The following TEX14 variants were observed in gnomAD, a reference collection of about 807,000 sequenced individuals.
TEX14 encodes the protein inactive serine/threonine-protein kinase TEX14.
A neutral mutation model predicts 178.6 loss-of-function variants in TEX14; 168 were observed. The ratio of observed to expected loss-of-function variants is 0.94; its 90% confidence interval spans 0.83 to 1.07. The LOEUF (loss-of-function observed/expected upper bound fraction) is 1.07, where lower values mean the gene tolerates loss of function less well. TEX14 is among the 50% of genes least tolerant of loss of function. TEX14 has a pLI of 0.00. For missense variants in TEX14, 1,730 were observed against 1,753.6 expected, an observed-to-expected ratio of 0.99 and a Z score of 0.24; for synonymous variants, 626 against 634.1, an observed-to-expected ratio of 0.99 and a Z score of 0.19.
Position 58,651,984 on chromosome 17 carries a change from A to G in TEX14, c.18T>C (p.Arg6=), listed in dbSNP as rs774127164. 3 of 1,595,484 alleles carry G rather than the reference A, an allele frequency of 1.9e-6. No homozygotes were observed. The highest frequency in any genetic ancestry group is 2.6e-6 in the Non-Finnish European group (3 of 1,173,642). The part of the protein sequence containing the change: MSRAV[R]LPVPCPVQLG... ...GTTGAACAGGACAGGGGACTGGAAG[A>G]CGAACAGCCCGAGACATCCTGTTCC... Residue 6 remains arginine (R), a synonymous_variant, in exon 2 of 32, where the codon CGT becomes CGC. Coordinates refer to ENST00000349033, the MANE Select transcript of TEX14 (RefSeq NM_031272.5).
rs139406356 is a variant in TEX14 at position 58,611,268 on chromosome 17, T to G, written c.1077A>C (p.Arg359Ser). The G allele has an allele frequency of 1.2e-6, 2 of 1,613,094 alleles. No individual in the cohort carries two copies. The highest frequency in any genetic ancestry group is 1.3e-5 in the African/African-American group (1 of 74,824). ...HLLLQISDAL[R>S]YLHFQGFIHR... ...GGATAAACCCCTGGAAATGCAGGTA[T>G]CTCAGGGCATCAGATATCTGGAGCA... Residue 359 changes from arginine to serine, a missense_variant, in exon 10 of 32, where the codon AGA becomes AGC. Transcript: ENST00000349033.
chr17:58,631,245 T>G (rs544210329), intron 2 of TEX14: 32 of 509,338 alleles, frequency 6.3e-5, no homozygotes, highest in Non-Finnish European at 7.6e-5. Flanking sequence ...GTAGATCACT[T>G]GAGGCCAAGA....
Position 58,587,934 on chromosome 17 carries a change from TC to T in TEX14, c.2663del (p.Gly888AspfsTer15), listed in dbSNP as rs1411970263. 3 of 1,611,494 alleles carry T rather than the reference TC, an allele frequency of 1.9e-6. No homozygotes were observed. Among genetic ancestry groups the T allele is most frequent in the Non-Finnish European group, 2.5e-6 (3 of 1,179,536 alleles). On this transcript the variant is annotated frameshift_variant, in exon 16 of 32. Coordinates refer to ENST00000349033, the MANE Select transcript of TEX14 (RefSeq NM_031272.5). LOFTEE classifies it high-confidence loss of function. ...AGTGACAGCTGGGTGATGCAGAAGGTCCCTGCCGGTGGCTTGACAGAGTGAA... is the reference window on the plus strand; with the variant it reads ...AGTGACAGCTGGGTGATGCAGAAGGTCCTGCCGGTGGCTTGACAGAGTGAA... ...ALFTLSSHRQ[G>X]PSASPSCHWD...
Position 58,572,065 on chromosome 17 carries a change from A to G in TEX14, c.3573T>C (p.Val1191=), listed in dbSNP as rs773702832. Residue 1191 remains valine (V), a synonymous_variant, in exon 24 of 32, where the codon GTT becomes GTC. Coordinates refer to ENST00000349033, the MANE Select transcript of TEX14 (RefSeq NM_031272.5). ...KDCLESITFQ[V]KTEFASCWNS... ...TCCAGCAAGAGGCAAACTCTGTCTT[A>G]ACCTGAAATGTGATACTTTCAAGGC... is the stretch of plus-strand genomic sequence containing the variant. The G allele has an allele frequency of 6.2e-7, 1 of 1,614,206 alleles. No individual in the cohort carries two copies. The highest frequency in any genetic ancestry group is 1.1e-5 in the South Asian group (1 of 91,084).
chr17:58,672,983 C>T (rs557586298), intron 1 of TEX14, among the ~76,000 whole-genome samples: 3 of 151,856 alleles, frequency 2.0e-5, no homozygotes, highest in Admixed American at 6.6e-5. Context: ...CTGCTAGCCT[C>T]GAACTCCCAA....
At chr17:58,631,677 CCAACAGCAAACAGCAGTTAGAATAACG>C (rs921139566) in intron 2 of TEX14, 21 of 151,310 alleles carry the variant, frequency 1.4e-4, no homozygotes, top group South Asian at 6.3e-4. Context: ...AGAACGGTCA[CCAACAGCAAACAGCAGTTAGAATAACG>C]CAACACCAAA....
intron 10 of TEX14, among the ~76,000 whole-genome samples, chr17:58,607,332 C>A (rs373650617): frequency 4.3e-4 from 65 of 152,302 alleles, no homozygotes; most frequent in Middle Eastern, 6.8e-3. Context: ...TTACCTCCTA[C>A]CCCCTCACTT....
In TEX14 at chr17:58,565,788, A is replaced by T; in HGVS notation, c.3923T>A (p.Leu1308Ter). The change falls in exon 27 of 32, where the codon TTG (leucine) becomes TAG (stop). Residue 1308 changes from leucine to a stop codon, truncating the protein, a stop_gained. Coordinates refer to ENST00000349033, the MANE Select transcript of TEX14 (RefSeq NM_031272.5). LOFTEE classifies it high-confidence loss of function. The part of the protein sequence containing the change: ...LKQQQGSSTV[L>*]HENTASDGGG... ...TCCATCACTTGCTGTGTTCTCATGCAACACCGTGGATGAGCCCTGCTGCTG... is the reference window on the plus strand; with the variant it reads ...TCCATCACTTGCTGTGTTCTCATGCTACACCGTGGATGAGCCCTGCTGCTG... 1 of 1,610,220 alleles carries T rather than the reference A, an allele frequency of 6.2e-7. No homozygotes were observed. The highest frequency in any genetic ancestry group is 8.5e-7 in the Non-Finnish European group (1 of 1,178,470).
intron 1 of TEX14, among the ~76,000 whole-genome samples, chr17:58,666,273 G>A (rs1046615403): frequency 3.3e-5 from 5 of 150,650 alleles, no homozygotes; most frequent in South Asian, 2.1e-4. Flanking sequence ...GCTCGAACTC[G>A]GGAGGTGGAG....
At chr17:58,565,162 G>A (rs577887898) in intron 27 of TEX14, among the ~76,000 whole-genome samples, 194 bp from the exon 28 acceptor site, 1 of 152,308 alleles carries the variant, frequency 6.6e-6, no homozygotes, top group South Asian at 2.1e-4. Flanking sequence ...AGCTGCTTCT[G>A]GGGTCTTGGA....
At chr17:58,632,670 A>G (rs2046349016) in intron 2 of TEX14, among the ~76,000 whole-genome samples, 1 of 152,232 alleles carries the variant, frequency 6.6e-6, no homozygotes, top group Non-Finnish European at 1.5e-5. Flanking sequence ...GTAACCGCAC[A>G]GCTCACGCAC....
rs760014137 is a variant in TEX14, at chr17:58,615,244, T to C, written c.869A>G (p.Gln290Arg). The change falls in exon 8 of 32, where the codon CAG becomes CGG. Residue 290 changes from glutamine (Q) to arginine (R), a missense_variant. Physicochemically the swap from Gln to Arg is conservative, Grantham distance 43. Coordinates refer to ENST00000349033, the MANE Select transcript of TEX14 (RefSeq NM_031272.5). ...LRLADLLIAEQEHSSKLRHPY... is the reference protein window; with the variant it reads ...LRLADLLIAEREHSSKLRHPY... ...GCTTCCTTCTCACCTGCTGTGTTCC[T>C]GCTCGGCAATTAACAAGTCGGCCAG... 1.2e-6 allele frequency: 2 copies of C among 1,611,642 alleles called. No homozygotes were observed. Among genetic ancestry groups the C allele is most frequent in the African/African-American group, 2.7e-5 (2 of 74,870 alleles).
intron 8 of TEX14, 124 bp from the exon 9 acceptor site, chr17:58,613,668 C>CTTT: frequency 2.0e-6 from 2 of 986,646 alleles, no homozygotes; most frequent in Non-Finnish European, 2.8e-6. Context: ...CTTTTCTTTT[C>CTTT]TTTTTTTTTT....
chr17:58,662,415 T>TCACACACA lies in TEX14; in HGVS notation c.-1-10421_-1-10414dup, dbSNP rs200980242. The stretch of plus-strand genomic sequence containing the variant: ...TGTACAGATATATAGCACACATATC[T>TCACACACA]CACACACACACACACACACACACAC... On this transcript the variant is annotated intron_variant, in intron 1 of 31. Transcript: ENST00000349033. 8.0e-3 allele frequency among the ~76,000 whole-genome samples: 922 copies of TCACACACA among 114,962 alleles called. 7 individuals carry two copies. Among genetic ancestry groups the TCACACACA allele is most frequent in the Middle Eastern group, 0.022 (4 of 184 alleles). The allele number at this position is 114,962 out of a possible 152,430, so 75.4% of individuals were successfully genotyped here. A position where few individuals can be genotyped will look rare whatever the true frequency, so the allele number is the denominator to read the frequency against.
intron 2 of TEX14, among the ~76,000 whole-genome samples, chr17:58,634,987 C>A (rs2046401638): frequency 2.6e-5 from 4 of 152,010 alleles, no homozygotes; most frequent in Non-Finnish European, 5.9e-5. Context: ...CAAAAAGTAG[C>A]CAGGCGTGGT....
chr17:58,602,869 C>T (rs148895335), intron 11 of TEX14, among the ~76,000 whole-genome samples: 2,424 of 151,056 alleles, frequency 0.016, 40 homozygotes, highest in Non-Finnish European at 0.025. Context: ...AGATCGAGAC[C>T]GTCCTGGCCA....
intron 1 of TEX14, among the ~76,000 whole-genome samples, chr17:58,676,884 A>G (rs1194200883): frequency 6.6e-6 from 1 of 152,062 alleles, no homozygotes; most frequent in Admixed American, 6.6e-5. Context: ...TAATCCCAGT[A>G]CTTTGGGAGG....
chr17:58,586,411 G>A (rs1313769435), intron 17 of TEX14, among the ~76,000 whole-genome samples: 1 of 152,164 alleles, frequency 6.6e-6, no homozygotes, highest in African/African-American at 2.4e-5. Context: ...TTCTTAGTGT[G>A]TAATAATAGA....
At chr17:58,608,452 T>C (rs944861152) in intron 10 of TEX14, among the ~76,000 whole-genome samples, 13 of 148,494 alleles carry the variant, frequency 8.8e-5, no homozygotes, top group Non-Finnish European at 1.5e-4. Context: ...TGTGGTGGCA[T>C]GTGCCTGTAG....
Sources: gnomAD v4.1 joint callset for allele counts (sites outside exome capture counted in the v4.1 genomes callset) on GRCh38, gnomAD v4.1.1 for gene constraint, MANE v1.5 for transcripts, NCBI Gene and HGNC (gene_info 2026-07-23, HGNC 2026-07-21) for gene names.